RNF157: variants seen among roughly 807,000 people sequenced by gnomAD.
RNF157 encodes the protein ring finger protein 157.
In RNF157, 55 loss-of-function variants were observed where a neutral mutation model predicts 88.3. The ratio of observed to expected loss-of-function variants is 0.62; its 90% CI spans 0.50 to 0.78. The LOEUF (loss-of-function observed/expected upper bound fraction) is 0.78, where lower values mean the gene tolerates loss of function less well. RNF157 is among the 30% of genes least tolerant of loss of function. The pLI is 0.00. For synonymous variants in RNF157, 334 were observed against 341.2 expected, an observed-to-expected ratio of 0.98 and a Z score of 0.23; for missense variants, 788 against 860.8, an observed-to-expected ratio of 0.92 and a Z score of 1.06.
intron 11 of RNF157, 45 bp from the exon 12 acceptor site, chr17:76,159,618 T>G: frequency 7.3e-7 from 1 of 1,374,568 alleles, no homozygotes. Context: ...AGGTCCTTTT[T>G]GTTTTATGAC....
At chr17:76,148,672 T>C (rs1373679486) in intron 18 of RNF157, among the ~76,000 whole-genome samples, 3 of 150,834 alleles carry the variant, frequency 2.0e-5, no homozygotes, top group African/African-American at 7.3e-5. Flanking sequence ...CCAGGCTCAA[T>C]TGATCCTCCT....
At chr17:76,169,330 T>C (rs2068976852) in intron 3 of RNF157, among the ~76,000 whole-genome samples, 2 of 152,216 alleles carry the variant, frequency 1.3e-5, no homozygotes, top group Non-Finnish European at 2.9e-5. Context: ...ACACTTTGTG[T>C]CATTGTGTCC....
rs915788891 is a variant in RNF157, at chr17:76,207,649, G to A, written c.207+4715C>T. 3.9e-5 allele frequency among the ~76,000 whole-genome samples: 6 copies of A among 152,258 alleles called. No homozygotes were observed. In the South Asian group the frequency reaches 1.0e-3, roughly 26 times the overall value. On this transcript the variant is annotated intron_variant, in intron 2 of 18. Transcript: ENST00000269391. ...TCTGCAAAGAGGAGTCGTTCTTGCCGCATGCTGCTGGATGGCTTTAAAAGG... is the reference window on the plus strand; with the variant it reads ...TCTGCAAAGAGGAGTCGTTCTTGCCACATGCTGCTGGATGGCTTTAAAAGG...
intron 18 of RNF157, among the ~76,000 whole-genome samples, chr17:76,149,751 TGGCTG>T (rs1388543337): frequency 6.6e-6 from 1 of 152,046 alleles, no homozygotes; most frequent in Non-Finnish European, 1.5e-5. Context: ...AAACAAATCA[TGGCTG>T]GGCGCAGTGG....
chr17:76,170,740 T>C (rs1399312493), intron 3 of RNF157, among the ~76,000 whole-genome samples: 1 of 152,180 alleles, frequency 6.6e-6, no homozygotes, highest in African/African-American at 2.4e-5. Flanking sequence ...AGCTTTTCTT[T>C]CTGCTAGTTC....
At chr17:76,193,474 A>G (rs1356112104) in intron 2 of RNF157, among the ~76,000 whole-genome samples, 1 of 152,208 alleles carries the variant, frequency 6.6e-6, no homozygotes, top group African/African-American at 2.4e-5. Flanking sequence ...GTCGTGACCC[A>G]GAAGAATTAT....
chr17:76,175,649 G>T, intron 2 of RNF157: 2 of 494,216 alleles, frequency 4.0e-6, no homozygotes, highest in Non-Finnish European at 5.2e-6. Flanking sequence ...CTATTCTAAA[G>T]CCAAAATAAA....
At chr17:76,183,180 G>A (rs1028307477) in intron 2 of RNF157, among the ~76,000 whole-genome samples, 3 of 148,714 alleles carry the variant, frequency 2.0e-5, no homozygotes, top group Non-Finnish European at 3.0e-5. Context: ...CAGGCGATCC[G>A]CCCGCCTCAG....
intron 5 of RNF157, 66 bp downstream of exon 5, chr17:76,166,943 C>T (rs1042669790): frequency 8.4e-6 from 9 of 1,074,486 alleles, no homozygotes; most frequent in African/African-American, 1.6e-5. Flanking sequence ...GCTGTCAGAC[C>T]GAGTCCTAAG....
At position 76,173,766 on chromosome 17, in the gene RNF157, G is replaced by T. The variant is rs754867109; in HGVS notation, c.232C>A (p.Gln78Lys). The change falls in exon 3 of 19, where the codon CAA becomes AAA. Residue 78 changes from glutamine (Q) to lysine (K), a missense_variant. Coordinates refer to ENST00000269391, the MANE Select transcript of RNF157 (RefSeq NM_052916.3). ...CTTCTCAGAGTCTTCACGGGTTCTTGGGGAGGTGGGGCGGCGTAAGGAAAC... is the reference window on the plus strand; with the variant it reads ...CTTCTCAGAGTCTTCACGGGTTCTTTGGGAGGTGGGGCGGCGTAAGGAAAC... ...VVFPYAAPPPQEPVKTLRSLV... is the reference protein window; with the variant it reads ...VVFPYAAPPPKEPVKTLRSLV... 2.1e-5 allele frequency: 34 copies of T among 1,610,544 alleles called. No individual in the cohort carries two copies. Among genetic ancestry groups the T allele is most frequent in the Middle Eastern group, 3.3e-4 (2 of 6,050 alleles).
chr17:76,202,386 C>T (rs1025397306), intron 2 of RNF157, among the ~76,000 whole-genome samples: 2 of 152,312 alleles, frequency 1.3e-5, no homozygotes, highest in Admixed American at 1.3e-4. Context: ...CACACTGCTG[C>T]AATTCTCTAA....
chr17:76,226,706 A>G (rs1291907060), intron 1 of RNF157: 2 of 1,611,866 alleles, frequency 1.2e-6, no homozygotes, highest in African/African-American at 2.7e-5. Flanking sequence ...GTAGTCATCT[A>G]AGAGACCTAT....
rs2068551358 is a variant in RNF157, at chr17:76,144,196, A to G, written c.*1039T>C. On this transcript the variant is annotated 3_prime_UTR_variant, in exon 19 of 19. Coordinates refer to ENST00000269391, the MANE Select transcript of RNF157 (RefSeq NM_052916.3). ...AGTGCTTGGCACACAGAGGTGGTCA[A>G]CACATGTGTTTCTTGAAATGTCACC... The G allele has an allele frequency of 1.3e-5, 2 of 152,230 alleles. No homozygotes were observed. The highest frequency in any genetic ancestry group is 4.8e-5 in the African/African-American group (2 of 41,444). 9.4% of individuals were successfully genotyped at this position (152,230 alleles called of 1,614,324 possible). A position where few individuals can be genotyped will look rare whatever the true frequency, so the allele number is the denominator to read the frequency against.
intron 2 of RNF157, among the ~76,000 whole-genome samples, chr17:76,206,255 G>A (rs2069680657): frequency 1.3e-5 from 2 of 151,782 alleles, no homozygotes; most frequent in African/African-American, 2.4e-5. Flanking sequence ...GGCCAGGAAG[G>A]AGTCAAGGCA....
chr17:76,203,202 G>C (rs975891218), intron 2 of RNF157, among the ~76,000 whole-genome samples: 2 of 152,016 alleles, frequency 1.3e-5, no homozygotes, highest in African/African-American at 2.4e-5. Context: ...TGTTGGCCAG[G>C]CTGGTCTCAA....
At position 76,145,097 on chromosome 17, in the gene RNF157, G is replaced by A; in HGVS notation, c.*138C>T. The A allele has an allele frequency of 1.7e-6, 1 of 602,234 alleles. No homozygotes were observed. Among genetic ancestry groups the A allele is most frequent in the Non-Finnish European group, 3.0e-6 (1 of 334,806 alleles). The allele number at this position is 602,234 out of a possible 1,614,324, so 37.3% of individuals were successfully genotyped here. ...AGTTCCCTCTGAGAGGTGAGGGATT[G>A]TGGTTACAGGTTGTAACAGCTGTCA... On this transcript the variant is annotated 3_prime_UTR_variant, in exon 19 of 19. Coordinates refer to ENST00000269391, the MANE Select transcript of RNF157 (RefSeq NM_052916.3).
chr17:76,239,874 C>T (rs932759231), intron 1 of RNF157, among the ~76,000 whole-genome samples: 1 of 152,152 alleles, frequency 6.6e-6, no homozygotes. Flanking sequence ...GTCCCCGTCA[C>T]GGGGCCGATT....
intron 1 of RNF157, among the ~76,000 whole-genome samples, chr17:76,215,951 C>T (rs1325363253): frequency 6.6e-6 from 1 of 152,154 alleles, no homozygotes; most frequent in African/African-American, 2.4e-5. Flanking sequence ...TTTCCAAGTG[C>T]ATAATTTATG....
At chr17:76,225,718 A>T in intron 1 of RNF157, 1 of 1,462,248 alleles carries the variant, frequency 6.8e-7, no homozygotes, top group Non-Finnish European at 9.1e-7. Flanking sequence ...CACTCTATGT[A>T]CAAGCACGTT....
Sources: allele counts gnomAD v4.1 joint callset (sites outside exome capture counted in the v4.1 genomes callset), GRCh38; gene constraint gnomAD v4.1.1; transcripts MANE v1.5; gene names NCBI Gene and HGNC (gene_info 2026-07-23, HGNC 2026-07-21).